Variants in SPTY2D1 observed in about 807,000 individuals in gnomAD.
SPTY2D1 encodes the protein SPT2 chromatin protein domain containing 1, also known as protein SPT2 homolog.
SPTY2D1 carries 21 observed loss-of-function variants against 64.0 expected under a neutral mutation model. That is an observed-to-expected ratio of 0.33 (90% CI 0.23 to 0.47). The LOEUF (loss-of-function observed/expected upper bound fraction) is 0.47. Ranked by LOEUF, SPTY2D1 falls within the 20% of genes least tolerant of loss-of-function variation. SPTY2D1 has a pLI of 1.00. For synonymous variants in SPTY2D1, 287 were observed against 286.8 expected, an observed-to-expected ratio of 1.00 and a Z score of -0.01; for missense variants, 724 against 837.2, an observed-to-expected ratio of 0.86 and a Z score of 1.67.
rs1287027992 is a variant in SPTY2D1, at chr11:18,614,908, C to T, written c.1366G>A (p.Ala456Thr). 1.9e-6 allele frequency: 3 copies of T among 1,613,388 alleles called. No individual in the cohort carries two copies. The African/African-American group carries it at 4.0e-5, about 22-fold the overall frequency. Reference protein sequence around the residue: ...GRPISGSVSSARPLGSSRGPG... With the variant: ...GRPISGSVSSTRPLGSSRGPG... ...CCACGAGAGCTGCCCAAGGGTCTTG[C>T]AGAACTAACTGAACCACTGATGGGT... is the stretch of plus-strand genomic sequence containing the variant. The change falls in exon 3 of 6, where the codon GCA becomes ACA. Residue 456 changes from alanine (A) to threonine (T), a missense_variant. By Grantham distance (58) the Ala-to-Thr change is moderately conservative (BLOSUM62 0). Coordinates refer to ENST00000336349, the MANE Select transcript of SPTY2D1 (RefSeq NM_194285.3).
At position 18,607,027 on chromosome 11, in the gene SPTY2D1, A is replaced by AT; in HGVS notation, c.*2833dup. 1 of 250,910 alleles carries AT rather than the reference A, an allele frequency of 4.0e-6. No individual in the cohort carries two copies. The highest frequency in any genetic ancestry group is 1.7e-4 in the East Asian group (1 of 5,756). 15.5% of individuals were successfully genotyped at this position (250,910 alleles called of 1,614,324 possible). A position where few individuals can be genotyped will look rare whatever the true frequency, so the allele number is the denominator to read the frequency against. ...AGGTGTGTGCCACCGCACCCGGCTA[A>AT]TTTTTTTATTTTTAGTAGAGACGGG... On this transcript the variant is annotated 3_prime_UTR_variant, in exon 6 of 6. Coordinates refer to ENST00000336349, the MANE Select transcript of SPTY2D1 (RefSeq NM_194285.3).
intron 2 of SPTY2D1, among the ~76,000 whole-genome samples, chr11:18,616,660 G>GA (rs888209002): frequency 1.3e-5 from 2 of 151,832 alleles, no homozygotes; most frequent in African/African-American, 2.4e-5. Context: ...TTCAAGGGGA[G>GA]AAAAAAAGAA....
intron 5 of SPTY2D1, 192 bp from the exon 6 acceptor site, chr11:18,610,146 G>A: frequency 8.2e-6 from 4 of 485,434 alleles, no homozygotes; most frequent in South Asian, 3.9e-5. Context: ...AATTGTCGTG[G>A]GAAAAAGAAC....
In SPTY2D1 at chr11:18,615,258, T is replaced by C. The variant is rs1854277843; in HGVS notation, c.1016A>G (p.His339Arg). ...ATGGGACAGAGATTTTTTGGCTTTG[T>C]GCTCAACAGCAGATTTCTGAGTCCT... is the stretch of plus-strand genomic sequence containing the variant. ...ASRTQKSAVE[H>R]KAKKSLSHPS... Residue 339 changes from histidine to arginine, a missense_variant, in exon 3 of 6, where the codon CAC (histidine) becomes CGC (arginine). Physicochemically the swap from His to Arg is conservative, Grantham distance 29. Around this residue, in one of 3 missense-constraint regions of SPTY2D1, gnomAD observed 426 missense variants for 431.8 expected, o/e 0.99. Transcript: ENST00000336349. The C allele has an allele frequency of 6.2e-7, 1 of 1,614,244 alleles. No homozygotes were observed. The highest frequency in any genetic ancestry group is 1.3e-5 in the African/African-American group (1 of 75,072).
At chr11:18,613,318 G>C (rs1854236956) in intron 3 of SPTY2D1, among the ~76,000 whole-genome samples, 1 of 152,208 alleles carries the variant, frequency 6.6e-6, no homozygotes, top group African/African-American at 2.4e-5. Context: ...CTTTGCAAAA[G>C]ACAGGCATTG....
chr11:18,611,532 C>G lies in SPTY2D1; in HGVS notation c.1909G>C (p.Ala637Pro), dbSNP rs1327732178. 1 of 1,613,926 alleles carries G rather than the reference C, an allele frequency of 6.2e-7. No individual in the cohort carries two copies. The highest frequency in any genetic ancestry group is 8.5e-7 in the Non-Finnish European group (1 of 1,179,966). The change falls in exon 5 of 6, where the codon GCC becomes CCC. Residue 637 changes from alanine to proline, a missense_variant. Around this residue, in one of 3 missense-constraint regions of SPTY2D1, gnomAD observed 119 missense variants for 172.9 expected, o/e 0.69. Transcript: ENST00000336349. ...RKKYKDESDY[A>P]LRYMESSWKE... ...CAACTACTTTCCATGTAACGTAAGG[C>G]ATAATCACTTTCATCTTTGTATCTG...
intron 3 of SPTY2D1, among the ~76,000 whole-genome samples, chr11:18,613,999 T>C (rs1854246762): frequency 6.6e-6 from 1 of 152,214 alleles, no homozygotes; most frequent in Admixed American, 6.5e-5. Context: ...GCAGCATACA[T>C]ATGTAAGTCA....
At chr11:18,627,912 G>C (rs1478437096) in intron 1 of SPTY2D1, among the ~76,000 whole-genome samples, 1 of 152,052 alleles carries the variant, frequency 6.6e-6, no homozygotes, top group African/African-American at 2.4e-5. Flanking sequence ...GCTGGGCATG[G>C]TGGTGCATGC....
At chr11:18,625,064 G>A (rs1346996192) in intron 1 of SPTY2D1, among the ~76,000 whole-genome samples, 2 of 152,156 alleles carry the variant, frequency 1.3e-5, no homozygotes, top group African/African-American at 4.8e-5. Flanking sequence ...ATATTGTTTC[G>A]ACTGTAGAAA....
At position 18,612,357 on chromosome 11, in the gene SPTY2D1, T is replaced by C; in HGVS notation, c.1843A>G (p.Ile615Val). ...IEDEGEPQEE[I>V]SKHIREIFGY... ...AAGATTTCTCTAATGTGCTTGGATATTTCTTCCTGAGGCTCTCCTTCATCT... is the reference window on the plus strand; with the variant it reads ...AAGATTTCTCTAATGTGCTTGGATACTTCTTCCTGAGGCTCTCCTTCATCT... Residue 615 changes from isoleucine to valine, a missense_variant, in exon 4 of 6, where the codon ATA (isoleucine) becomes GTA (valine). Ile to Val is a conservative substitution (Grantham distance 29, BLOSUM62 3). Transcript: ENST00000336349. The surrounding 1 kb of genome is among the most constrained non-coding windows in gnomAD (Gnocchi z 4.6). 1 of 1,610,568 alleles carries C rather than the reference T, an allele frequency of 6.2e-7. No individual in the cohort carries two copies. The highest frequency in any genetic ancestry group is 8.5e-7 in the Non-Finnish European group (1 of 1,178,332).
intron 1 of SPTY2D1, 87 bp downstream of exon 1, chr11:18,634,111 G>A: frequency 2.1e-6 from 3 of 1,462,004 alleles, no homozygotes; most frequent in Non-Finnish European, 2.9e-6. Context: ...GAGCCGATAG[G>A]CGGCTGCCCA....
In SPTY2D1 at chr11:18,621,824, C is replaced by T. The variant is rs1048905862; in HGVS notation, c.61-4835G>A. The stretch of plus-strand genomic sequence containing the variant: ...TACTCAGGTCAGGCATAGTGGCTCA[C>T]ACCTGTAATTCCAGCACTTTGGGAG... On this transcript the variant is annotated intron_variant, in intron 1 of 5. Coordinates refer to ENST00000336349, the MANE Select transcript of SPTY2D1 (RefSeq NM_194285.3). Among the ~76,000 whole-genome samples, 6 of 152,024 alleles carry T rather than the reference C, an allele frequency of 3.9e-5. No individual in the cohort carries two copies. In the South Asian group the frequency reaches 1.0e-3, roughly 26 times the overall value.
chr11:18,625,499 T>C (rs925133380), intron 1 of SPTY2D1, among the ~76,000 whole-genome samples: 2 of 152,154 alleles, frequency 1.3e-5, no homozygotes, highest in African/African-American at 4.8e-5. Context: ...AGAGTCTGAA[T>C]TAGAATCCAG....
chr11:18,616,317 T>A (rs1410775635), intron 2 of SPTY2D1, among the ~76,000 whole-genome samples: 1 of 152,216 alleles, frequency 6.6e-6, no homozygotes, highest in African/African-American at 2.4e-5. Flanking sequence ...GGTTTTCAGC[T>A]TTAAATATAC....
At position 18,614,813 on chromosome 11, in the gene SPTY2D1, C is replaced by A. The variant is rs780469927; in HGVS notation, c.1461G>T (p.Arg487=). 5 of 1,612,914 alleles carry A rather than the reference C, an allele frequency of 3.1e-6. No individual in the cohort carries two copies. The highest frequency in any genetic ancestry group is 3.4e-6 in the Non-Finnish European group (4 of 1,179,402). Residue 487 remains arginine (R), a synonymous_variant, in exon 3 of 6, where the codon CGG becomes CGT. Transcript: ENST00000336349. The stretch of plus-strand genomic sequence containing the variant: ...TGGATCTCCCAGGGCCACTGACAGA[C>A]CGCCCCGGGGGGCCCAAGCCACTCA... ...RPVSGLGPPG[R]SVSGPGRSIS...
In SPTY2D1 at chr11:18,614,998, T is replaced by G; in HGVS notation, c.1276A>C (p.Arg426=). The G allele has an allele frequency of 6.2e-7, 1 of 1,614,178 alleles. No individual in the cohort carries two copies. Residue 426 remains arginine (R), a synonymous_variant, in exon 3 of 6, where the codon AGG becomes CGG. Transcript: ENST00000336349. ...KKPTNDSNPS[R]RTVSGTCGPG... The stretch of plus-strand genomic sequence containing the variant: ...CCACATGTACCACTGACTGTCCGCC[T>G]AGAGGGATTTGAGTCATTGGTTGGC...
Position 18,616,020 on chromosome 11 carries a change from A to G in SPTY2D1, c.254T>C (p.Met85Thr). ...GAAATTATCCTTTGTCCTCTTGGCCATAGCTCTTGCTTTCTTGTCATGTTT... is the reference window on the plus strand; with the variant it reads ...GAAATTATCCTTTGTCCTCTTGGCCGTAGCTCTTGCTTTCTTGTCATGTTT... ...ELKHDKKARA[M>T]AKRTKDNFHG... The change falls in exon 3 of 6, where the codon ATG becomes ACG. Residue 85 changes from methionine to threonine, a missense_variant. This residue lies in a region of SPTY2D1 where 179 missense variants were observed against 232.5 expected (regional missense o/e 0.77). Transcript: ENST00000336349. 6.2e-7 allele frequency: 1 copy of G among 1,614,150 alleles called. No individual in the cohort carries two copies. Among genetic ancestry groups the G allele is most frequent in the South Asian group, 1.1e-5 (1 of 91,082 alleles).
At chr11:18,630,802 C>T (rs1482899945) in intron 1 of SPTY2D1, among the ~76,000 whole-genome samples, 3 of 152,048 alleles carry the variant, frequency 2.0e-5, no homozygotes, top group African/African-American at 7.2e-5. Flanking sequence ...AGGGATGTAG[C>T]TGTCTTTTTT....
rs1332844821 is a variant in SPTY2D1, at chr11:18,622,148, A to C, written c.61-5159T>G. Among the ~76,000 whole-genome samples, 4 of 151,590 alleles carry C rather than the reference A, an allele frequency of 2.6e-5. No individual in the cohort carries two copies. In the South Asian group the frequency reaches 8.4e-4, roughly 32 times the overall value. On this transcript the variant is annotated intron_variant, in intron 1 of 5. Coordinates refer to ENST00000336349, the MANE Select transcript of SPTY2D1 (RefSeq NM_194285.3). The stretch of plus-strand genomic sequence containing the variant: ...AAACCTCAACAGCACAAATACCAAT[A>C]AGATATTAAAACACTCTTAGACAAA...
Sources: allele counts gnomAD v4.1 joint callset (sites outside exome capture counted in the v4.1 genomes callset), GRCh38; gene constraint gnomAD v4.1.1; regional missense constraint gnomAD v4.1.1; non-coding constraint Gnocchi (gnomAD v3.1); transcripts MANE v1.5; gene names NCBI Gene and HGNC (gene_info 2026-07-23, HGNC 2026-07-21).